Variants in PACRG observed in about 807,000 individuals in gnomAD.
PACRG encodes parkin coregulated gene protein.
A neutral mutation model predicts 29.7 loss-of-function variants in PACRG; 29 were observed. That is an observed-to-expected ratio of 0.98 (90% CI 0.73 to 1.33). The LOEUF is 1.33. PACRG is among the 40% of genes most tolerant of loss of function. PACRG has a pLI of 0.00. For synonymous variants in PACRG, 116 were observed against 118.7 expected, an observed-to-expected ratio of 0.98 and a Z score of 0.15; for missense variants, 279 against 316.2, an observed-to-expected ratio of 0.88 and a Z score of 0.89.
chr6:163,051,564 G>A (rs927099785), intron 2 of PACRG: 1 of 151,996 alleles, frequency 6.6e-6, no homozygotes, highest in African/African-American at 2.4e-5. Context: ...ACACCAGGCT[G>A]TCTTTCTGTT....
intron 2 of PACRG, among the ~76,000 whole-genome samples, chr6:162,870,680 T>C (rs1792729223): frequency 1.3e-5 from 2 of 152,216 alleles, no homozygotes; most frequent in Admixed American, 6.5e-5. Context: ...ATACATTTCT[T>C]CTAAATGTGC....
intron 2 of PACRG, among the ~76,000 whole-genome samples, chr6:163,016,705 A>G (rs1397556948): frequency 6.6e-6 from 1 of 152,102 alleles, no homozygotes; most frequent in Non-Finnish European, 1.5e-5. Context: ...TCTTTCATAT[A>G]TTTGACAGGG....
intron 2 of PACRG, among the ~76,000 whole-genome samples, chr6:162,985,659 C>A (rs1304595219): frequency 6.6e-6 from 1 of 152,056 alleles, no homozygotes; most frequent in Non-Finnish European, 1.5e-5. Context: ...ACAAGGATGT[C>A]CACTTTCACC....
chr6:162,877,228 A>G (rs567178198), intron 2 of PACRG, among the ~76,000 whole-genome samples: 3 of 152,248 alleles, frequency 2.0e-5, no homozygotes, highest in Non-Finnish European at 4.4e-5. Context: ...AATGTGGCAC[A>G]TATACACTGT....
intron 3 of PACRG, among the ~76,000 whole-genome samples, chr6:163,076,892 T>A (rs561976914): frequency 0.01 from 1,576 of 152,280 alleles, 23 homozygotes; most frequent in African/African-American, 0.035. Context: ...TTATAGCTCC[T>A]CTCTCATGTC....
At chr6:162,810,599 A>G (rs1786771657) in intron 1 of PACRG, among the ~76,000 whole-genome samples, 1 of 152,206 alleles carries the variant, frequency 6.6e-6, no homozygotes, top group Non-Finnish European at 1.5e-5. Flanking sequence ...GAAATAGACG[A>G]TATAAAGATG....
At chr6:162,804,209 T>C (rs1324676104) in intron 1 of PACRG, among the ~76,000 whole-genome samples, 19 of 152,192 alleles carry the variant, frequency 1.2e-4, no homozygotes, top group Admixed American at 8.5e-4. Flanking sequence ...TCTTGCAAGC[T>C]TTCTACAGTT....
At chr6:163,292,910 G>T (rs1163185067) in intron 4 of PACRG, among the ~76,000 whole-genome samples, 1 of 152,134 alleles carries the variant, frequency 6.6e-6, no homozygotes, top group African/African-American at 2.4e-5. Flanking sequence ...GAAGACGATT[G>T]TTACCTTCTG....
intron 4 of PACRG, among the ~76,000 whole-genome samples, chr6:163,229,136 G>C (rs1781922646): frequency 6.6e-6 from 1 of 152,194 alleles, no homozygotes; most frequent in African/African-American, 2.4e-5. Flanking sequence ...GAGGCAAGAG[G>C]ATCACTTGAG....
chr6:162,970,273 C>G (rs993649190), intron 2 of PACRG, among the ~76,000 whole-genome samples: 6 of 152,100 alleles, frequency 3.9e-5, no homozygotes, highest in Non-Finnish European at 8.8e-5. Flanking sequence ...CCACGTGGAG[C>G]TAAGGAGTCT....
At chr6:163,026,716 A>T (rs866851720) in intron 2 of PACRG, among the ~76,000 whole-genome samples, 6 of 152,212 alleles carry the variant, frequency 3.9e-5, no homozygotes, top group Admixed American at 2.6e-4. Flanking sequence ...ATCCTGTGCC[A>T]AGAGCATCTA....
At chr6:162,782,949 C>T (rs1784203262) in intron 1 of PACRG, among the ~76,000 whole-genome samples, 2 of 151,794 alleles carry the variant, frequency 1.3e-5, no homozygotes, top group African/African-American at 4.8e-5. Flanking sequence ...AACTGAAACT[C>T]GTATGTTTTA....
intron 2 of PACRG, among the ~76,000 whole-genome samples, chr6:163,038,010 A>C (rs1468016802): frequency 6.6e-6 from 1 of 152,266 alleles, no homozygotes. Context: ...ATGATTAGCA[A>C]GTACCAGGCA....
At chr6:162,967,196 A>C (rs924515086) in intron 2 of PACRG, among the ~76,000 whole-genome samples, 1 of 152,156 alleles carries the variant, frequency 6.6e-6, no homozygotes, top group Non-Finnish European at 1.5e-5. Flanking sequence ...GTTTGAAATG[A>C]AGAAGCAGAT....
intron 3 of PACRG, among the ~76,000 whole-genome samples, chr6:163,083,793 T>C (rs1208255797): frequency 1.3e-5 from 2 of 152,210 alleles, no homozygotes; most frequent in African/African-American, 4.8e-5. Context: ...TTTTGTTTGC[T>C]TTTGCCTTTT....
intron 2 of PACRG, among the ~76,000 whole-genome samples, chr6:162,882,323 C>G (rs1793961657): frequency 6.6e-6 from 1 of 151,304 alleles, no homozygotes; most frequent in African/African-American, 2.4e-5. Context: ...CCCGGGGGCC[C>G]TCTCCACCAT....
At chr6:162,914,126 T>C (rs762651019) in intron 2 of PACRG, among the ~76,000 whole-genome samples, 66 of 152,280 alleles carry the variant, frequency 4.3e-4, no homozygotes, top group Middle Eastern at 6.8e-3. Flanking sequence ...TATGCTAATC[T>C]AATAAATGTT....
At chr6:162,861,487 A>G (rs1213407043) in intron 2 of PACRG, among the ~76,000 whole-genome samples, 1 of 152,170 alleles carries the variant, frequency 6.6e-6, no homozygotes, top group African/African-American at 2.4e-5. Context: ...AATTTTTATT[A>G]TTTCCTTTAA....
chr6:162,813,114 GTTTA>G (rs1466359011), intron 1 of PACRG, among the ~76,000 whole-genome samples: 4 of 151,576 alleles, frequency 2.6e-5, no homozygotes, highest in East Asian at 1.9e-4. Flanking sequence ...TGTATTGTAT[GTTTA>G]TTTATTGTAT....
Sources: gnomAD v4.1 joint callset for allele counts (sites outside exome capture counted in the v4.1 genomes callset) on GRCh38, gnomAD v4.1.1 for gene constraint, MANE v1.5 for transcripts, NCBI Gene and HGNC (gene_info 2026-07-23, HGNC 2026-07-21) for gene names.